Variants in EPC2 observed in about 807,000 individuals in gnomAD.
EPC2 encodes the protein enhancer of polycomb homolog 2.
EPC2 carries 14 observed loss-of-function variants against 92.1 expected under a neutral mutation model. That is an observed-to-expected ratio of 0.15 (90% CI 0.10 to 0.24). The LOEUF is 0.24. Ranked by LOEUF, EPC2 falls within the 10% of genes least tolerant of loss-of-function variation. The probability of loss-of-function intolerance (pLI) is 1.00; values close to 1 mark genes in which losing one functional copy is unlikely to be tolerated. For synonymous variants in EPC2, 340 were observed against 334.7 expected, an observed-to-expected ratio of 1.02 and a Z score of -0.17; for missense variants, 755 against 971.5, an observed-to-expected ratio of 0.78 and a Z score of 2.96.
At chr2:148,654,648 A>G (rs534325756) in intron 1 of EPC2, among the ~76,000 whole-genome samples, 2 of 152,300 alleles carry the variant, frequency 1.3e-5, no homozygotes, top group South Asian at 4.1e-4. Flanking sequence ...ACAGAGTGAG[A>G]CTGAGGCCCT....
At chr2:148,770,544 G>T (rs1683496401) in intron 8 of EPC2, among the ~76,000 whole-genome samples, 1 of 152,074 alleles carries the variant, frequency 6.6e-6, no homozygotes, top group Non-Finnish European at 1.5e-5. Context: ...AAGTATAATA[G>T]ACCCTAAATG....
intron 12 of EPC2, 89 bp from the exon 13 acceptor site, chr2:148,784,579 A>G: frequency 1.9e-6 from 2 of 1,026,636 alleles, no homozygotes; most frequent in East Asian, 4.9e-5. Context: ...CAATTCAAAT[A>G]CAAATGTTCG....
chr2:148,783,789 C>T, intron 12 of EPC2, 33 bp downstream of exon 12: 1 of 1,558,096 alleles, frequency 6.4e-7, no homozygotes, highest in Non-Finnish European at 8.7e-7. Context: ...TACCTACTTT[C>T]TTGAAGTTGT....
chr2:148,685,417 A>G (rs1276268407), intron 1 of EPC2, among the ~76,000 whole-genome samples: 2 of 152,230 alleles, frequency 1.3e-5, no homozygotes, highest in African/African-American at 4.8e-5. Flanking sequence ...TAAAGCGAGT[A>G]ACACTAAATA....
chr2:148,737,055 G>A (rs1310666019), intron 2 of EPC2, among the ~76,000 whole-genome samples: 4 of 152,190 alleles, frequency 2.6e-5, no homozygotes, highest in African/African-American at 9.7e-5. Context: ...CCAAGATTGT[G>A]CCATTGCACT....
At chr2:148,705,192 T>C (rs910347010) in intron 2 of EPC2, among the ~76,000 whole-genome samples, 6 of 152,208 alleles carry the variant, frequency 3.9e-5, no homozygotes, top group Admixed American at 3.9e-4. Flanking sequence ...ACCTAATTTA[T>C]ATGAACTGGC....
At position 148,678,826 on chromosome 2, in the gene EPC2, A is replaced by T. The variant is rs564888409; in HGVS notation, c.154-11388A>T. On this transcript the variant is annotated intron_variant, in intron 1 of 13. Coordinates refer to ENST00000258484, the MANE Select transcript of EPC2 (RefSeq NM_015630.4). ...GGTTCCAGCCTTGGCCAGCCCAGAA[A>T]GGGGCTCCCACAGTGCAGCGGTGGG... 5.3e-5 allele frequency among the ~76,000 whole-genome samples: 8 copies of T among 152,300 alleles called. No individual in the cohort carries two copies. In the East Asian group the frequency reaches 1.5e-3, roughly 29 times the overall value.
chr2:148,734,570 T>C (rs1472225140), intron 2 of EPC2, among the ~76,000 whole-genome samples: 2 of 152,136 alleles, frequency 1.3e-5, no homozygotes, highest in East Asian at 3.8e-4. Context: ...GGTATAGTAA[T>C]GGAGTTCAGT....
At chr2:148,689,140 G>A (rs1681590234) in intron 1 of EPC2, among the ~76,000 whole-genome samples, 1 of 152,056 alleles carries the variant, frequency 6.6e-6, no homozygotes, top group African/African-American at 2.4e-5. Context: ...GGTTGGAAAT[G>A]AGATAAGAGA....
chr2:148,783,792 G>T (rs777298265), intron 12 of EPC2, 36 bp downstream of exon 12: 2 of 1,556,174 alleles, frequency 1.3e-6, no homozygotes, highest in East Asian at 2.3e-5. Context: ...CTACTTTCTT[G>T]AAGTTGTAAC....
chr2:148,678,259 A>G (rs1296054464), intron 1 of EPC2, among the ~76,000 whole-genome samples: 1 of 152,172 alleles, frequency 6.6e-6, no homozygotes, highest in East Asian at 1.9e-4. Flanking sequence ...CAGAGTGCCG[A>G]TTGGTGTATT....
chr2:148,761,428 C>T (rs1683299395), intron 4 of EPC2, among the ~76,000 whole-genome samples: 2 of 152,106 alleles, frequency 1.3e-5, no homozygotes, highest in South Asian at 4.1e-4. Context: ...CAGAACTGTT[C>T]CTCTCTGTCA....
At chr2:148,710,047 A>G (rs1339008778) in intron 2 of EPC2, among the ~76,000 whole-genome samples, 2 of 152,254 alleles carry the variant, frequency 1.3e-5, no homozygotes, top group South Asian at 2.1e-4. Context: ...AAGTACCATC[A>G]GATTGAACAG....
chr2:148,729,357 T>C (rs1682572906), intron 2 of EPC2, among the ~76,000 whole-genome samples: 1 of 152,190 alleles, frequency 6.6e-6, no homozygotes, highest in Non-Finnish European at 1.5e-5. Flanking sequence ...TTTTTAGATT[T>C]ACTGAAGAGT....
At chr2:148,651,813 TA>T (rs764019676) in intron 1 of EPC2, among the ~76,000 whole-genome samples, 2 of 152,302 alleles carry the variant, frequency 1.3e-5, no homozygotes, top group Non-Finnish European at 2.9e-5. Context: ...GAGTTGATTT[TA>T]AGAGTAGGAC....
Position 148,743,786 on chromosome 2 carries a change from A to T in EPC2, c.459+19A>T. 4.7e-6 allele frequency: 7 copies of T among 1,501,482 alleles called. No homozygotes were observed. Among genetic ancestry groups the T allele is most frequent in the Non-Finnish European group, 6.2e-6 (7 of 1,129,676 alleles). The allele number at this position is 1,501,482 out of a possible 1,614,324, so 93.0% of individuals were successfully genotyped here. A position where few individuals can be genotyped will look rare whatever the true frequency, so the allele number is the denominator to read the frequency against. ...TAATCAGGTACTGTACCATGTAAAG[A>T]TGTCTCTTATCTTCTAGTTAACCCA... On this transcript the variant is annotated intron_variant, in intron 3 of 13. Coordinates refer to ENST00000258484, the MANE Select transcript of EPC2 (RefSeq NM_015630.4).
intron 1 of EPC2, among the ~76,000 whole-genome samples, chr2:148,654,918 G>C (rs1425508623): frequency 6.6e-6 from 1 of 152,140 alleles, no homozygotes; most frequent in Non-Finnish European, 1.5e-5. Context: ...TGATTAGTTA[G>C]TTATGGGAAA....
intron 1 of EPC2, among the ~76,000 whole-genome samples, chr2:148,683,863 C>A (rs891398676): frequency 1.3e-5 from 2 of 152,136 alleles, no homozygotes; most frequent in Non-Finnish European, 2.9e-5. Context: ...ATAATGATTT[C>A]TTTTCCTTTG....
chr2:148,721,886 A>ATTTTTT (rs1302062474), intron 2 of EPC2, among the ~76,000 whole-genome samples: 1 of 11,150 alleles, frequency 9.0e-5, no homozygotes, highest in South Asian at 3.4e-3. Flanking sequence ...TTCTGTTTTG[A>ATTTTTT]TTTCTTTTTT....
Sources: gnomAD v4.1 joint callset for allele counts (sites outside exome capture counted in the v4.1 genomes callset) on GRCh38, gnomAD v4.1.1 for gene constraint, MANE v1.5 for transcripts, NCBI Gene and HGNC (gene_info 2026-07-23, HGNC 2026-07-21) for gene names.